The following COPG2 variants were observed in gnomAD, a reference collection of about 807,000 sequenced individuals.
COPG2 encodes coat protein complex I subunit gamma 2, also known as coatomer subunit gamma-2.
A neutral mutation model predicts 46.3 loss-of-function variants in COPG2; 37 were observed. That is an observed-to-expected ratio of 0.80 (90% CI 0.61 to 1.05). COPG2 has a LOEUF of 1.05. Ranked by LOEUF, COPG2 falls within the 50% of genes least tolerant of loss-of-function variation. COPG2 has a pLI of 0.00. For missense variants in COPG2, 427 were observed against 387.8 expected, an observed-to-expected ratio of 1.10 and a Z score of -0.85; for synonymous variants, 159 against 129.7, an observed-to-expected ratio of 1.23 and a Z score of -1.53.
chr7:130,668,591 G>A lies in COPG2; in HGVS notation c.37+41C>T, dbSNP rs782817599. On this transcript the variant is annotated intron_variant, in intron 1 of 23. Coordinates refer to ENST00000425248, the MANE Select transcript of COPG2 (RefSeq NM_012133.6). ...GGTGGCGGCGGGCGGGGGAAGGGGC[G>A]TCCCGCGGCTGAGGGTGGGCCTCGG... is the stretch of plus-strand genomic sequence containing the variant. The A allele has an allele frequency of 3.5e-5, 52 of 1,491,166 alleles. No individual in the cohort carries two copies. In the South Asian group the frequency reaches 4.2e-4, roughly 12 times the overall value. The allele number at this position is 1,491,166 out of a possible 1,614,324, so 92.4% of individuals were successfully genotyped here.
At chr7:130,651,304 T>C (rs1554459017) in intron 5 of COPG2, among the ~76,000 whole-genome samples, 1 of 151,254 alleles carries the variant, frequency 6.6e-6, no homozygotes, top group African/African-American at 2.4e-5. Context: ...CCACATTTTT[T>C]ATATATATAC....
intron 5 of COPG2, among the ~76,000 whole-genome samples, chr7:130,619,077 T>A (rs893984518): frequency 6.6e-6 from 1 of 152,210 alleles, no homozygotes; most frequent in Non-Finnish European, 1.5e-5. Context: ...GTTAATTCTA[T>A]GAATTTGTTT....
intron 10 of COPG2, among the ~76,000 whole-genome samples, chr7:130,563,626 C>T (rs1345177405): frequency 6.6e-6 from 1 of 150,544 alleles, no homozygotes. Context: ...ACTTTTGGGG[C>T]GCCTGTAGTC....
At chr7:130,524,789 G>A (rs1799758498) in intron 20 of COPG2, among the ~76,000 whole-genome samples, 1 of 152,166 alleles carries the variant, frequency 6.6e-6, no homozygotes, top group South Asian at 2.1e-4. Context: ...TGGAAACACA[G>A]GGGACCACGT....
At chr7:130,653,836 G>A (rs1584612722) in intron 4 of COPG2, among the ~76,000 whole-genome samples, 1 of 152,180 alleles carries the variant, frequency 6.6e-6, no homozygotes, top group East Asian at 1.9e-4. Context: ...GATCCTCGTG[G>A]TGATTAAAAA....
At chr7:130,524,472 AGAG>A (rs1336873247) in intron 20 of COPG2, among the ~76,000 whole-genome samples, 1 of 152,100 alleles carries the variant, frequency 6.6e-6, no homozygotes, top group Non-Finnish European at 1.5e-5. Context: ...AACACATGGG[AGAG>A]GAGGACAGAG....
intron 5 of COPG2, among the ~76,000 whole-genome samples, chr7:130,648,704 C>A (rs1795668720): frequency 6.6e-6 from 1 of 152,226 alleles, no homozygotes; most frequent in Non-Finnish European, 1.5e-5. Flanking sequence ...AGTTAGGCAA[C>A]CTGGAATAGG....
At chr7:130,518,420 C>T (rs1402739388) in intron 20 of COPG2, among the ~76,000 whole-genome samples, 3 of 152,078 alleles carry the variant, frequency 2.0e-5, no homozygotes, top group African/African-American at 7.2e-5. Context: ...TTTGAGAGAG[C>T]AACTGGAGAG....
intron 20 of COPG2, among the ~76,000 whole-genome samples, chr7:130,512,200 T>TAACTCTCCTTGTTAATACAC (rs1450568110): frequency 2.0e-5 from 3 of 151,918 alleles, no homozygotes; most frequent in Non-Finnish European, 2.9e-5. Flanking sequence ...TGAGCCTTGT[T>TAACTCTCCTTGTTAATACAC]AACTCTCCTT....
intron 9 of COPG2, among the ~76,000 whole-genome samples, chr7:130,602,635 C>T (rs1209692506): frequency 1.3e-5 from 2 of 152,062 alleles, no homozygotes; most frequent in African/African-American, 4.8e-5. Flanking sequence ...TCACACCCAG[C>T]TAATTTTTGT....
intron 4 of COPG2, among the ~76,000 whole-genome samples, chr7:130,657,652 C>T (rs1795883210): frequency 6.6e-6 from 1 of 152,034 alleles, no homozygotes; most frequent in Admixed American, 6.6e-5. Context: ...GGATTTGTAT[C>T]CAGAATGCAT....
At chr7:130,629,327 GA>G (rs1162183660) in intron 5 of COPG2, among the ~76,000 whole-genome samples, 1 of 151,312 alleles carries the variant, frequency 6.6e-6, no homozygotes, top group East Asian at 1.9e-4. Context: ...TAATTTTGGG[GA>G]AAAAAATGGC....
intron 4 of COPG2, among the ~76,000 whole-genome samples, chr7:130,660,351 T>A (rs1248305793): frequency 6.6e-6 from 1 of 152,168 alleles, no homozygotes. Context: ...TCTGACACTT[T>A]CATCAGCAAA....
Position 130,507,834 on chromosome 7 carries a change from A to G in COPG2, c.2248-11T>C. On this transcript the variant is annotated splice_polypyrimidine_tract_variant and intron_variant, in intron 21 of 23. Coordinates refer to ENST00000425248, the MANE Select transcript of COPG2 (RefSeq NM_012133.6). Reference sequence around the variant, plus strand: ...TTCGAGATCTTCCAGCTAGTGGGTAATAAGCAGTCAGTAAAGAAAAGTCCT... The same window carrying G: ...TTCGAGATCTTCCAGCTAGTGGGTAGTAAGCAGTCAGTAAAGAAAAGTCCT... The G allele has an allele frequency of 1.3e-6, 1 of 779,722 alleles. No homozygotes were observed. The highest frequency in any genetic ancestry group is 2.4e-6 in the Non-Finnish European group (1 of 417,528). 48.3% of individuals were successfully genotyped at this position (779,722 alleles called of 1,614,324 possible).
chr7:130,664,707 A>G (rs1796039469), intron 3 of COPG2, among the ~76,000 whole-genome samples: 1 of 152,250 alleles, frequency 6.6e-6, no homozygotes, highest in Non-Finnish European at 1.5e-5. Flanking sequence ...ACATAAAAAT[A>G]CATGTTACTC....
chr7:130,660,424 T>A (rs1305441460), intron 4 of COPG2, among the ~76,000 whole-genome samples: 1 of 152,136 alleles, frequency 6.6e-6, no homozygotes, highest in Middle Eastern at 3.2e-3. Context: ...TGAAACCTGG[T>A]TCTCTCCCAG....
intron 20 of COPG2, chr7:130,509,225 G>C: frequency 2.0e-6 from 1 of 495,840 alleles, no homozygotes; most frequent in Non-Finnish European, 4.0e-6. Flanking sequence ...TTCTAGTATT[G>C]GTAAAGTCAG....
At chr7:130,517,961 G>A (rs1799692699) in intron 20 of COPG2, among the ~76,000 whole-genome samples, 1 of 152,080 alleles carries the variant, frequency 6.6e-6, no homozygotes, top group Non-Finnish European at 1.5e-5. Flanking sequence ...AGATGGTGAA[G>A]AGCAGCGAAG....
chr7:130,541,460 A>C (rs1175712001), intron 20 of COPG2, among the ~76,000 whole-genome samples: 3 of 152,078 alleles, frequency 2.0e-5, no homozygotes, highest in African/African-American at 7.2e-5. Flanking sequence ...CAGGAGGAGC[A>C]GAGGAGCTGA....
Sources: gnomAD v4.1 joint callset for allele counts (sites outside exome capture counted in the v4.1 genomes callset) on GRCh38, gnomAD v4.1.1 for gene constraint, MANE v1.5 for transcripts, NCBI Gene and HGNC (gene_info 2026-07-23, HGNC 2026-07-21) for gene names.